The following PGPEP1L variants were observed in gnomAD, a reference collection of about 807,000 sequenced individuals.
The protein encoded by PGPEP1L is pyroglutamyl-peptidase 1-like protein.
PGPEP1L carries 7 observed loss-of-function variants against 6.0 expected under a neutral mutation model. The observed-to-expected ratio is 1.17, with a 90% CI of 0.66 to 2.19. The LOEUF is 2.19. Ranked by LOEUF, PGPEP1L falls within the 30% of genes most tolerant of loss-of-function variation. The pLI is 0.00. For missense variants in PGPEP1L, 209 were observed against 192.5 expected, an observed-to-expected ratio of 1.09 and a Z score of -0.51; for synonymous variants, 103 against 83.9, an observed-to-expected ratio of 1.23 and a Z score of -1.24.
At chr15:99,000,424 C>T (rs941095567) in intron 2 of PGPEP1L, among the ~76,000 whole-genome samples, 8 of 152,226 alleles carry the variant, frequency 5.3e-5, no homozygotes, top group African/African-American at 1.7e-4. Context: ...GCTCCACCTA[C>T]GGCCCCAGTG....
intron 2 of PGPEP1L, among the ~76,000 whole-genome samples, chr15:98,971,837 C>T (rs1299927009): frequency 5.9e-5 from 9 of 152,162 alleles, no homozygotes; most frequent in Admixed American, 5.9e-4. Flanking sequence ...ATAATTACTA[C>T]AGTTGGTTGA....
chr15:98,979,045 A>ATT (rs1188950038), intron 2 of PGPEP1L, among the ~76,000 whole-genome samples: 70 of 151,182 alleles, frequency 4.6e-4, no homozygotes, highest in African/African-American at 1.7e-3. Context: ...ATATATATAT[A>ATT]TATATTTTTA....
chr15:99,001,890 G>T (rs940426614), intron 2 of PGPEP1L, among the ~76,000 whole-genome samples: 1 of 152,026 alleles, frequency 6.6e-6, no homozygotes, highest in Non-Finnish European at 1.5e-5. Flanking sequence ...GCTAATTTTT[G>T]TATTTTTAGT....
intron 2 of PGPEP1L, among the ~76,000 whole-genome samples, chr15:98,994,303 G>A (rs2017858409): frequency 6.6e-6 from 1 of 151,900 alleles, no homozygotes; most frequent in African/African-American, 2.4e-5. Flanking sequence ...ATCCTTCTTG[G>A]CCTATAAAAG....
chr15:98,989,641 A>T (rs782150413), intron 2 of PGPEP1L, among the ~76,000 whole-genome samples: 1 of 152,174 alleles, frequency 6.6e-6, no homozygotes, highest in Non-Finnish European at 1.5e-5. Context: ...CACCACAAAG[A>T]TACTCCTTGA....
At chr15:99,001,492 A>C (rs1555473016) in intron 2 of PGPEP1L, among the ~76,000 whole-genome samples, 1 of 152,172 alleles carries the variant, frequency 6.6e-6, no homozygotes, top group Non-Finnish European at 1.5e-5. Flanking sequence ...TGTAGTGATG[A>C]ATATGTAACT....
intron 2 of PGPEP1L, among the ~76,000 whole-genome samples, chr15:99,003,560 G>A (rs1403302936): frequency 1.4e-4 from 21 of 152,172 alleles, no homozygotes; most frequent in Non-Finnish European, 2.4e-4. Flanking sequence ...GCAATTTGTC[G>A]GAGCCCTCGT....
At chr15:98,998,364 T>C (rs2151765272) in intron 2 of PGPEP1L, among the ~76,000 whole-genome samples, 1 of 152,222 alleles carries the variant, frequency 6.6e-6, no homozygotes, top group African/African-American at 2.4e-5. Context: ...CTCAGAGTCC[T>C]CACATGTGAG....
chr15:99,000,885 G>A (rs145949246), intron 2 of PGPEP1L, among the ~76,000 whole-genome samples: 20 of 152,144 alleles, frequency 1.3e-4, no homozygotes, highest in African/African-American at 4.3e-4. Flanking sequence ...TTGTTCTTTC[G>A]CTCTTTACAA....
intron 2 of PGPEP1L, among the ~76,000 whole-genome samples, chr15:98,992,994 G>GT (rs201043611): frequency 0.011 from 1,702 of 152,102 alleles, 37 homozygotes; most frequent in African/African-American, 0.039. Context: ...ACCTAAAACT[G>GT]TAAGAACCCT....
At chr15:98,984,231 CG>C (rs2017713092) in intron 2 of PGPEP1L, among the ~76,000 whole-genome samples, 1 of 152,070 alleles carries the variant, frequency 6.6e-6, no homozygotes, top group African/African-American at 2.4e-5. Context: ...AAGATGGTCT[CG>C]ATCTCCTGAC....
At chr15:98,997,453 A>G (rs1043308767) in intron 2 of PGPEP1L, among the ~76,000 whole-genome samples, 2 of 152,204 alleles carry the variant, frequency 1.3e-5, no homozygotes, top group Non-Finnish European at 2.9e-5. Context: ...CCAAGTGTGA[A>G]TAAGCAGTTG....
chr15:98,981,521 A>C (rs2017662923), intron 2 of PGPEP1L, among the ~76,000 whole-genome samples: 1 of 142,032 alleles, frequency 7.0e-6, no homozygotes, highest in South Asian at 2.2e-4. Context: ...AACAAAACAA[A>C]AACAACAAAC....
At chr15:98,975,880 CAAAATAAA>C (rs2017562191) in intron 2 of PGPEP1L, among the ~76,000 whole-genome samples, 1 of 150,556 alleles carries the variant, frequency 6.6e-6, no homozygotes, top group Admixed American at 6.6e-5. Context: ...GACTCTGTCT[CAAAATAAA>C]TAAATAAGTA....
intron 2 of PGPEP1L, among the ~76,000 whole-genome samples, chr15:98,971,986 AT>A (rs1322691983): frequency 1.3e-5 from 2 of 152,180 alleles, no homozygotes; most frequent in African/African-American, 4.8e-5. Context: ...AAAATAACTT[AT>A]TATAACTATC....
chr15:99,006,531 AAC>A (rs1409478474), intron 1 of PGPEP1L, among the ~76,000 whole-genome samples: 1 of 152,266 alleles, frequency 6.6e-6, no homozygotes, highest in African/African-American at 2.4e-5. Flanking sequence ...TCTATTTAAA[AAC>A]AAAACAAACT....
intron 2 of PGPEP1L, among the ~76,000 whole-genome samples, chr15:98,997,955 A>C (rs1734721350): frequency 6.6e-6 from 1 of 152,164 alleles, no homozygotes; most frequent in Admixed American, 6.5e-5. Context: ...CAAGTGCCAA[A>C]GACAAGCTGT....
chr15:98,970,039 TTTTA>T (rs2017471344), intron 3 of PGPEP1L, among the ~76,000 whole-genome samples: 1 of 152,024 alleles, frequency 6.6e-6, no homozygotes, highest in South Asian at 2.1e-4. Context: ...TTATTTTATA[TTTTA>T]TTTATGTATT....
At chr15:99,003,667 A>G (rs1178164036) in intron 2 of PGPEP1L, among the ~76,000 whole-genome samples, 33 of 150,624 alleles carry the variant, frequency 2.2e-4, no homozygotes, top group African/African-American at 7.7e-4. Flanking sequence ...AGCTCTAAGC[A>G]TTTCTAACAC....
Sources: gnomAD v4.1 joint callset for allele counts (sites outside exome capture counted in the v4.1 genomes callset) on GRCh38, gnomAD v4.1.1 for gene constraint, MANE v1.5 for transcripts, NCBI Gene and HGNC (gene_info 2026-07-23, HGNC 2026-07-21) for gene names.